The following RPS27A variants were observed in gnomAD, a reference collection of about 807,000 sequenced individuals.
RPS27A encodes ubiquitin-ribosomal protein eS31 fusion protein.
A neutral mutation model predicts 18.9 loss-of-function variants in RPS27A; 1 was observed. That is an observed-to-expected ratio of 0.05 (90% CI 0.02 to 0.25). The LOEUF (loss-of-function observed/expected upper bound fraction) is 0.25, where lower values mean the gene tolerates loss of function less well. Ranked by LOEUF, RPS27A falls within the 10% of genes least tolerant of loss-of-function variation. RPS27A has a pLI of 1.00. For missense variants in RPS27A, 123 were observed against 187.4 expected (o/e 0.66, Z 2.01); for synonymous variants, 77 against 63.7 (o/e 1.21, Z -0.99).
chr2:55,233,478 T>A (rs1177632070), intron 3 of RPS27A, 61 bp downstream of exon 3: 4 of 1,150,366 alleles, frequency 3.5e-6, no homozygotes, highest in Non-Finnish European at 5.2e-6. Flanking sequence ...TACCTGTAGG[T>A]GCTAGACATA....
chr2:55,234,233 T>TAAA (rs112330410), intron 4 of RPS27A, 29 bp downstream of exon 4: 1 of 1,393,256 alleles, frequency 7.2e-7, no homozygotes. Context: ...CAGCCTCTTT[T>TAAA]AAAAAAAAAA....
At position 55,235,669 on chromosome 2, in the gene RPS27A, A is replaced by C; in HGVS notation, c.*92A>C. ...GTTTTTAAGCACCAAATTGATGGTC[A>C]CACCATTTCCTTTTAGTAGTGCTAC... On this transcript the variant is annotated 3_prime_UTR_variant, in exon 6 of 6. Coordinates refer to ENST00000272317, the MANE Select transcript of RPS27A (RefSeq NM_002954.6). The C allele has an allele frequency of 2.1e-6, 3 of 1,405,744 alleles. No individual in the cohort carries two copies. The highest frequency in any genetic ancestry group is 3.0e-6 in the Non-Finnish European group (3 of 1,005,960). The allele number at this position is 1,405,744 out of a possible 1,614,324, so 87.1% of individuals were successfully genotyped here. A position where few individuals can be genotyped will look rare whatever the true frequency, so the allele number is the denominator to read the frequency against.
chr2:55,234,407 G>T, intron 4 of RPS27A: 2 of 601,460 alleles, frequency 3.3e-6, no homozygotes, highest in South Asian at 4.0e-5. Flanking sequence ...CCGCCACCAT[G>T]CCCAGGCTGG....
intron 2 of RPS27A, 195 bp downstream of exon 2, chr2:55,233,067 C>T (rs779699784): frequency 3.4e-5 from 23 of 669,112 alleles, no homozygotes; most frequent in Non-Finnish European, 5.8e-5. Context: ...GACCTGTCTC[C>T]TCTCGAGGGG....
At chr2:55,233,042 G>A (rs1472529328) in intron 2 of RPS27A, 170 bp downstream of exon 2, 2 of 704,642 alleles carry the variant, frequency 2.8e-6, no homozygotes, top group African/African-American at 3.5e-5. Context: ...GGTGATTTTC[G>A]GTGGCCAAAG....
At chr2:55,233,537 T>C (rs997262776) in intron 3 of RPS27A, 120 bp downstream of exon 3, 3 of 740,554 alleles carry the variant, frequency 4.1e-6, no homozygotes, top group Non-Finnish European at 7.3e-6. Context: ...AGCGAAATAC[T>C]TGTGGAATAA....
rs765741190 is a variant in RPS27A at position 55,235,660 on chromosome 2, T to C, written c.*83T>C. 3 of 1,459,168 alleles carry C rather than the reference T, an allele frequency of 2.1e-6. No individual in the cohort carries two copies. Among genetic ancestry groups the C allele is most frequent in the Non-Finnish European group, 2.8e-6 (3 of 1,054,218 alleles). The allele number at this position is 1,459,168 out of a possible 1,614,324, so 90.4% of individuals were successfully genotyped here. On this transcript the variant is annotated 3_prime_UTR_variant, in exon 6 of 6. Transcript: ENST00000272317. Reference sequence around the variant, plus strand: ...AAAAGAATGGTTTTTAAGCACCAAATTGATGGTCACACCATTTCCTTTTAG... The same window carrying C: ...AAAAGAATGGTTTTTAAGCACCAAACTGATGGTCACACCATTTCCTTTTAG...
rs1422801104 is a variant in RPS27A at position 55,234,066 on chromosome 2, A to G, written c.104-53A>G. 3.5e-6 allele frequency: 4 copies of G among 1,147,752 alleles called. No homozygotes were observed. The East Asian group carries it at 7.0e-5, about 20-fold the overall frequency. 71.1% of individuals were successfully genotyped at this position (1,147,752 alleles called of 1,614,324 possible). A position where few individuals can be genotyped will look rare whatever the true frequency, so the allele number is the denominator to read the frequency against. On this transcript the variant is annotated intron_variant, in intron 3 of 5. Coordinates refer to ENST00000272317, the MANE Select transcript of RPS27A (RefSeq NM_002954.6). ...AAGGGGTGTTACCTTATAAGTCTGG[A>G]GCACATCACAGGCTTGGTGTGCTGT...
rs1455443853 is a variant in RPS27A, at chr2:55,234,925, G to C, written c.284G>C (p.Arg95Thr). ...YTTPKKNKHK[R>T]KKVKLAVLKY... The stretch of plus-strand genomic sequence containing the variant: ...ACTCCCAAGAAGAATAAGCACAAGA[G>C]AAAGAAGGTTAAGCTGGCTGTCCTG... The change falls in exon 5 of 6, where the codon AGA (arginine) becomes ACA (threonine). Residue 95 changes from arginine to threonine, a missense_variant. Arg to Thr is a moderately conservative substitution (Grantham distance 71). Coordinates refer to ENST00000272317, the MANE Select transcript of RPS27A (RefSeq NM_002954.6). 1 of 1,613,254 alleles carries C rather than the reference G, an allele frequency of 6.2e-7. No individual in the cohort carries two copies. Among genetic ancestry groups the C allele is most frequent in the Non-Finnish European group, 8.5e-7 (1 of 1,179,860 alleles).
At chr2:55,235,386 T>C in intron 5 of RPS27A, 42 bp from the exon 6 acceptor site, 1 of 1,606,430 alleles carries the variant, frequency 6.2e-7, no homozygotes, top group Non-Finnish European at 8.5e-7. Flanking sequence ...GACTTCAGAA[T>C]GTGTTGTAAA....
chr2:55,233,587 T>C (rs2104216595), intron 3 of RPS27A, 170 bp downstream of exon 3: 1 of 652,966 alleles, frequency 1.5e-6, no homozygotes, highest in East Asian at 2.8e-5. Context: ...AGTACCTAGA[T>C]TGGAATCCTT....
Position 55,232,697 on chromosome 2 carries a change from C to A in RPS27A, c.-29C>A. The stretch of plus-strand genomic sequence containing the variant: ...CTGCGCGGCGTTCTTCCTTTTCGAT[C>A]CGCCATCTGCGGTGGGTGTCTGCAC... On this transcript the variant is annotated 5_prime_UTR_variant, in exon 1 of 6. Transcript: ENST00000272317. 1 of 851,834 alleles carries A rather than the reference C, an allele frequency of 1.2e-6. No individual in the cohort carries two copies. The highest frequency in any genetic ancestry group is 2.0e-6 in the Non-Finnish European group (1 of 510,776). The allele number at this position is 851,834 out of a possible 1,614,324, so 52.8% of individuals were successfully genotyped here.
intron 3 of RPS27A, 108 bp from the exon 4 acceptor site, chr2:55,234,011 T>C (rs1675658713): frequency 5.1e-6 from 4 of 792,032 alleles, no homozygotes; most frequent in Admixed American, 3.5e-5. Context: ...TAAGGGCTTA[T>C]TGTCAGCCTT....
rs190381082 is a variant in RPS27A at position 55,234,056 on chromosome 2, A to G, written c.104-63A>G. ...GTATTTGATTAAGGGGTGTTACCTT[A>G]TAAGTCTGGAGCACATCACAGGCTT... is the stretch of plus-strand genomic sequence containing the variant. On this transcript the variant is annotated intron_variant, in intron 3 of 5. Coordinates refer to ENST00000272317, the MANE Select transcript of RPS27A (RefSeq NM_002954.6). The G allele has an allele frequency of 3.2e-4, 338 of 1,047,826 alleles. 1 individual carries two copies. The Admixed American group carries it at 5.4e-3, about 17-fold the overall frequency. The allele number at this position is 1,047,826 out of a possible 1,614,324, so 64.9% of individuals were successfully genotyped here.
At position 55,235,843 on chromosome 2, in the gene RPS27A, T is replaced by A. The variant is rs138978188; in HGVS notation, c.*266T>A. 1.6e-4 allele frequency: 79 copies of A among 493,230 alleles called. 1 individual carries two copies. Among genetic ancestry groups the A allele is most frequent in the African/African-American group, 1.4e-3 (73 of 51,438 alleles). 30.6% of individuals were successfully genotyped at this position (493,230 alleles called of 1,614,324 possible). A position where few individuals can be genotyped will look rare whatever the true frequency, so the allele number is the denominator to read the frequency against. Reference sequence around the variant, plus strand: ...CAGAAGTTATATTTAATGTAAGTTGTCTAAATATAAGCCAGTTTGTGTTTC... The same window carrying A: ...CAGAAGTTATATTTAATGTAAGTTGACTAAATATAAGCCAGTTTGTGTTTC... On this transcript the variant is annotated 3_prime_UTR_variant, in exon 6 of 6. Coordinates refer to ENST00000272317, the MANE Select transcript of RPS27A (RefSeq NM_002954.6).
At chr2:55,234,021 T>G in intron 3 of RPS27A, 98 bp from the exon 4 acceptor site, 1 of 818,400 alleles carries the variant, frequency 1.2e-6, no homozygotes, top group East Asian at 2.4e-5. Flanking sequence ...TTGTCAGCCT[T>G]TAGTATCATG....
At position 55,233,409 on chromosome 2, in the gene RPS27A, A is replaced by T. The variant is rs935873685; in HGVS notation, c.95A>T (p.Asp32Val). 8.1e-6 allele frequency: 13 copies of T among 1,612,758 alleles called. No individual in the cohort carries two copies. Among genetic ancestry groups the T allele is most frequent in the Non-Finnish European group, 1.0e-5 (12 of 1,178,938 alleles). ...GAAAATGTAAAGGCCAAGATCCAGG[A>T]TAAGGAAGGCAAGTAGTATTTTGTA... ...TIENVKAKIQ[D>V]KEGIPPDQQR... Residue 32 changes from aspartate (D) to valine (V), a missense_variant, in exon 3 of 6, where the codon GAT becomes GTT. Asp to Val is a radical substitution (Grantham distance 152). Around this residue, in one of 2 missense-constraint regions of RPS27A, gnomAD observed 66 missense variants for 72.6 expected, o/e 0.91. Transcript: ENST00000272317.
chr2:55,235,341 G>A, intron 5 of RPS27A, 87 bp from the exon 6 acceptor site: 1 of 1,480,598 alleles, frequency 6.8e-7, no homozygotes, highest in Non-Finnish European at 9.4e-7. Context: ...GTATTACACA[G>A]TTAAAAGCTT....
At chr2:55,234,445 T>G in intron 4 of RPS27A, 2 of 573,374 alleles carry the variant, frequency 3.5e-6, no homozygotes, top group Non-Finnish European at 3.1e-6. Flanking sequence ...TAAGTGATCT[T>G]CCCACCGTGG....
Sources: gnomAD v4.1 joint callset for allele counts on GRCh38, gnomAD v4.1.1 for gene constraint, gnomAD v4.1.1 regional missense constraint, MANE v1.5 for transcripts, NCBI Gene and HGNC (gene_info 2026-07-23, HGNC 2026-07-21) for gene names.